Variants in SFI1 observed in about 807,000 individuals in gnomAD.
The protein encoded by SFI1 is protein SFI1 homolog.
Under a neutral mutation model 207.5 loss-of-function variants are expected in SFI1, and 195 were observed. The observed-to-expected ratio is 0.94, with a 90% confidence interval of 0.84 to 1.06. SFI1 has a LOEUF of 1.06. SFI1 is among the 50% of genes least tolerant of loss of function. The probability of loss-of-function intolerance (pLI) is 0.00; values close to 1 mark genes in which losing one functional copy is unlikely to be tolerated. For missense variants in SFI1, 1,634 were observed against 1,588.0 expected (o/e 1.03, Z -0.49); for synonymous variants, 630 against 598.9 (o/e 1.05, Z -0.76).
At chr22:31,568,226 ATTT>A (rs373038766) in intron 8 of SFI1, among the ~76,000 whole-genome samples, 8 of 111,960 alleles carry the variant, frequency 7.1e-5, no homozygotes, top group African/African-American at 2.2e-4. Flanking sequence ...ATATATATAT[ATTT>A]TTTTTTTTTT....
At chr22:31,537,791 A>G (rs2059129270) in intron 4 of SFI1, among the ~76,000 whole-genome samples, 1 of 152,168 alleles carries the variant, frequency 6.6e-6, no homozygotes, top group South Asian at 2.1e-4. Context: ...ATCTGTTAAA[A>G]TCAAGTAGGT....
intron 4 of SFI1, among the ~76,000 whole-genome samples, chr22:31,541,196 G>A (rs1201556118): frequency 2.6e-5 from 4 of 151,960 alleles, no homozygotes; most frequent in Admixed American, 1.3e-4. Flanking sequence ...CCACCAGCTG[G>A]GTGCTTCTTG....
intron 15 of SFI1, among the ~76,000 whole-genome samples, chr22:31,592,795 GC>G (rs1208253746): frequency 7.5e-6 from 1 of 133,718 alleles, no homozygotes; most frequent in East Asian, 2.3e-4. Context: ...GGGGCGGCTG[GC>G]CGGGGGGAGG....
chr22:31,555,709 TAATA>T (rs1315507734), intron 6 of SFI1, among the ~76,000 whole-genome samples: 1 of 152,166 alleles, frequency 6.6e-6, no homozygotes, highest in Non-Finnish European at 1.5e-5. Context: ...ATTAGGTGTG[TAATA>T]AATGAAAGGG....
chr22:31,502,554 A>G (rs2053967263), intron 1 of SFI1, among the ~76,000 whole-genome samples: 1 of 151,752 alleles, frequency 6.6e-6, no homozygotes, highest in Non-Finnish European at 1.5e-5. Flanking sequence ...TTGTATTTTT[A>G]TTAGAGACGG....
intron 6 of SFI1, among the ~76,000 whole-genome samples, chr22:31,552,580 G>A (rs539912377): frequency 1.3e-5 from 2 of 152,128 alleles, no homozygotes; most frequent in Non-Finnish European, 2.9e-5. Context: ...ATCTGTTGAT[G>A]GATGCTGAGG....
intron 4 of SFI1, 51 bp from the exon 5 acceptor site, chr22:31,546,810 A>T (rs1011012071): frequency 7.9e-7 from 1 of 1,260,994 alleles, no homozygotes; most frequent in Non-Finnish European, 1.1e-6. Context: ...TTGGGAAGAG[A>T]TGTTAGCTCC....
intron 1 of SFI1, chr22:31,497,105 C>T (rs2052805114): frequency 6.6e-6 from 1 of 152,240 alleles, no homozygotes; most frequent in African/African-American, 2.4e-5. Flanking sequence ...TGGAAGCCTT[C>T]CCCGCGTGGG....
chr22:31,516,941 C>T (rs533959038), intron 2 of SFI1, among the ~76,000 whole-genome samples: 4 of 150,598 alleles, frequency 2.7e-5, no homozygotes, highest in South Asian at 2.1e-4. Context: ...GCAACAAGAG[C>T]GAAACTCAGT....
intron 9 of SFI1, among the ~76,000 whole-genome samples, chr22:31,573,899 T>C (rs1374295621): frequency 6.6e-6 from 1 of 152,238 alleles, no homozygotes. Flanking sequence ...AATGTTATTT[T>C]TTAACAACTA....
In SFI1 at chr22:31,602,567, A is replaced by G. The variant is rs373717963; in HGVS notation, c.1627-40A>G. ...TTCCTGGCTTCTGTGCCTCTCTCCTACTTGATTTATTCTGTTCTCTCCTTC... is the reference window on the plus strand; with the variant it reads ...TTCCTGGCTTCTGTGCCTCTCTCCTGCTTGATTTATTCTGTTCTCTCCTTC... On this transcript the variant is annotated intron_variant, in intron 16 of 32. Transcript: ENST00000400288. 5 of 1,603,016 alleles carry G rather than the reference A, an allele frequency of 3.1e-6. No homozygotes were observed. The South Asian group carries it at 3.3e-5, about 11-fold the overall frequency.
At chr22:31,539,917 C>T (rs1602357377) in intron 4 of SFI1, among the ~76,000 whole-genome samples, 1 of 151,944 alleles carries the variant, frequency 6.6e-6, no homozygotes, top group South Asian at 2.1e-4. Flanking sequence ...GGTTTCACCA[C>T]GTTGGTCAGG....
At chr22:31,533,856 A>C (rs1287726986) in intron 4 of SFI1, among the ~76,000 whole-genome samples, 2 of 151,904 alleles carry the variant, frequency 1.3e-5, no homozygotes, top group African/African-American at 4.8e-5. Flanking sequence ...TGTTTAATTT[A>C]TTGCATATTC....
chr22:31,611,903 G>A (rs1371596381), intron 24 of SFI1, 63 bp downstream of exon 24: 7 of 1,599,396 alleles, frequency 4.4e-6, no homozygotes, highest in Non-Finnish European at 6.0e-6. Context: ...GTGAGGCCTG[G>A]GCAGTGAATG....
chr22:31,612,816 A>G (rs560891896), intron 24 of SFI1: 9 of 345,654 alleles, frequency 2.6e-5, no homozygotes, highest in African/African-American at 1.6e-4. Context: ...GAGGGATCAC[A>G]CAGAGCAGCA....
intron 1 of SFI1, among the ~76,000 whole-genome samples, chr22:31,507,791 G>T (rs1399780787): frequency 6.6e-6 from 1 of 152,126 alleles, no homozygotes; most frequent in African/African-American, 2.4e-5. Context: ...AAGCCACAAT[G>T]AGGCTGGGTG....
At chr22:31,583,266 A>G (rs2064589809) in intron 12 of SFI1, among the ~76,000 whole-genome samples, 1 of 152,124 alleles carries the variant, frequency 6.6e-6, no homozygotes, top group South Asian at 2.1e-4. Context: ...GGCATGTGCC[A>G]TCACGCCCGG....
chr22:31,548,854 A>G (rs1602517251), intron 5 of SFI1, among the ~76,000 whole-genome samples: 1 of 152,082 alleles, frequency 6.6e-6, no homozygotes, highest in African/African-American at 2.4e-5. Flanking sequence ...TAAAATATTT[A>G]AAACTAGGAA....
intron 15 of SFI1, among the ~76,000 whole-genome samples, chr22:31,596,404 G>GA (rs2067121135): frequency 6.6e-6 from 1 of 152,160 alleles, no homozygotes; most frequent in Non-Finnish European, 1.5e-5. Flanking sequence ...AGAGGCTGAT[G>GA]AAAGGACATC....
Sources: gnomAD v4.1 joint callset for allele counts (sites outside exome capture counted in the v4.1 genomes callset) on GRCh38, gnomAD v4.1.1 for gene constraint, MANE v1.5 for transcripts, NCBI Gene and HGNC (gene_info 2026-07-23, HGNC 2026-07-21) for gene names.